The following GOPC variants were observed in gnomAD, a reference collection of about 807,000 sequenced individuals.
The protein encoded by GOPC is Golgi-associated PDZ and coiled-coil motif-containing protein.
In GOPC, 32 loss-of-function variants were observed where a neutral mutation model predicts 51.2. That is an observed-to-expected ratio of 0.63 (90% CI 0.47 to 0.84). GOPC has a LOEUF of 0.84. Ranked by LOEUF, GOPC falls within the 40% of genes least tolerant of loss-of-function variation. The pLI is 0.00. For synonymous variants in GOPC, 190 were observed against 205.1 expected (o/e 0.93, Z 0.63); for missense variants, 441 against 555.5 (o/e 0.79, Z 2.07).
chr6:117,597,593 C>T (rs1262317331), intron 1 of GOPC, among the ~76,000 whole-genome samples: 2 of 152,096 alleles, frequency 1.3e-5, no homozygotes, highest in Non-Finnish European at 2.9e-5. Flanking sequence ...GAGATGTGAG[C>T]AATTTGAAAT....
At chr6:117,572,274 T>G (rs1480386198) in intron 5 of GOPC, among the ~76,000 whole-genome samples, 1 of 152,158 alleles carries the variant, frequency 6.6e-6, no homozygotes, top group African/African-American at 2.4e-5. Flanking sequence ...ACTCTTCTTT[T>G]TCACTATTTA....
intron 6 of GOPC, 49 bp from the exon 7 acceptor site, chr6:117,569,785 G>T: frequency 6.7e-7 from 1 of 1,490,740 alleles, no homozygotes; most frequent in Non-Finnish European, 8.9e-7. Context: ...GTAAGGTACA[G>T]TTACCGATTA....
At chr6:117,585,489 A>G (rs1405141655) in intron 1 of GOPC, among the ~76,000 whole-genome samples, 1 of 152,210 alleles carries the variant, frequency 6.6e-6, no homozygotes, top group Non-Finnish European at 1.5e-5. Flanking sequence ...ATAAAGTTTT[A>G]GAAGGTCCAA....
intron 4 of GOPC, among the ~76,000 whole-genome samples, chr6:117,574,268 A>G (rs569711830): frequency 6.6e-6 from 1 of 152,238 alleles, no homozygotes; most frequent in South Asian, 2.1e-4. Context: ...TTAAAAAAAA[A>G]AAAAAGTTAC....
Position 117,578,957 on chromosome 6 carries a change from C to A in GOPC, c.393G>T (p.Leu131=). Residue 131 remains leucine, a synonymous_variant, in exon 2 of 9, where the codon CTG becomes CTT. Transcript: ENST00000368498. The part of the protein sequence containing the change: ...DQLLQLHSIQ[L]QLHAKTGQSA... ...TTTGACCAGTTTTAGCATGAAGCTG[C>A]AGCTGAATAGAGTGCAGCTGTAAAA... is the stretch of plus-strand genomic sequence containing the variant. 2 of 1,611,124 alleles carry A rather than the reference C, an allele frequency of 1.2e-6. No homozygotes were observed. Among genetic ancestry groups the A allele is most frequent in the Non-Finnish European group, 8.5e-7 (1 of 1,178,848 alleles).
In GOPC at chr6:117,598,233, G is replaced by A. The variant is rs1780231344; in HGVS notation, c.285+3771C>T. Among the ~76,000 whole-genome samples the A allele has an allele frequency of 3.3e-5, 5 of 151,396 alleles. No individual in the cohort carries two copies. The South Asian group carries it at 1.0e-3, about 32-fold the overall frequency. Reference sequence around the variant, plus strand: ...AAAATAAAATAGAAAAATTAGCTGAGTATAGTAGCTCATGCCTGTAGTCCA... The same window carrying A: ...AAAATAAAATAGAAAAATTAGCTGAATATAGTAGCTCATGCCTGTAGTCCA... On this transcript the variant is annotated intron_variant, in intron 1 of 8. Coordinates refer to ENST00000368498, the MANE Select transcript of GOPC (RefSeq NM_020399.4).
At chr6:117,570,977 G>C (rs759479243) in intron 5 of GOPC, 22 bp from the exon 6 acceptor site, 15 of 1,252,418 alleles carry the variant, frequency 1.2e-5, no homozygotes, top group Middle Eastern at 2.1e-4. Flanking sequence ...GAAAAAAGAA[G>C]AAAAAGTAGT....
chr6:117,570,196 T>C (rs1779781019), intron 6 of GOPC, among the ~76,000 whole-genome samples: 1 of 151,958 alleles, frequency 6.6e-6, no homozygotes, highest in African/African-American at 2.4e-5. Context: ...TGTGTCTTAT[T>C]TGTCCTGCTA....
At position 117,587,023 on chromosome 6, in the gene GOPC, A is replaced by T. The variant is rs1442948976; in HGVS notation, c.286-7959T>A. ...CTAATGAGTCTTACTCTAAAACACA[A>T]GACTATGACCAAACAGAAAATATAT... On this transcript the variant is annotated intron_variant, in intron 1 of 8. Coordinates refer to ENST00000368498, the MANE Select transcript of GOPC (RefSeq NM_020399.4). 2.0e-5 allele frequency among the ~76,000 whole-genome samples: 3 copies of T among 152,236 alleles called. No homozygotes were observed. The East Asian group carries it at 5.8e-4, about 29-fold the overall frequency.
chr6:117,566,013 G>A (rs1202754705), intron 8 of GOPC, among the ~76,000 whole-genome samples: 1 of 152,086 alleles, frequency 6.6e-6, no homozygotes, highest in East Asian at 1.9e-4. Context: ...AAAATTAACT[G>A]TTACTGCCAT....
intron 2 of GOPC, among the ~76,000 whole-genome samples, chr6:117,578,568 T>G (rs1480186577): frequency 6.6e-6 from 1 of 152,046 alleles, no homozygotes; most frequent in Non-Finnish European, 1.5e-5. Context: ...CAATGTTACT[T>G]GGGATTTCTG....
intron 5 of GOPC, 26 bp downstream of exon 5, chr6:117,573,441 G>A (rs1016449430): frequency 1.9e-6 from 3 of 1,600,006 alleles, no homozygotes; most frequent in Non-Finnish European, 2.6e-6. Context: ...GAGGCTGGGT[G>A]GGAAGCAGCA....
chr6:117,601,038 C>T (rs551532573), intron 1 of GOPC, among the ~76,000 whole-genome samples: 40 of 152,092 alleles, frequency 2.6e-4, no homozygotes, highest in Non-Finnish European at 5.0e-4. Flanking sequence ...TCAATGACAA[C>T]GAGTAATGAT....
chr6:117,564,048 G>A (rs1779644000), intron 8 of GOPC, among the ~76,000 whole-genome samples: 2 of 151,162 alleles, frequency 1.3e-5, no homozygotes, highest in South Asian at 4.2e-4. Flanking sequence ...CATGATTACG[G>A]CTCACTGCTG....
At chr6:117,581,464 GA>G (rs35581241) in intron 1 of GOPC, among the ~76,000 whole-genome samples, 18,860 of 145,878 alleles carry the variant, frequency 0.13, 2,244 homozygotes, top group African/African-American at 0.32. Flanking sequence ...CTCAGATCTT[GA>G]AAAAAAAAAA....
In GOPC at chr6:117,602,437, C is replaced by T. The variant is rs1772035470; in HGVS notation, c.-149G>A. On this transcript the variant is annotated 5_prime_UTR_variant, in exon 1 of 9. Transcript: ENST00000368498. ...GCGCCGTTAACGCCAGCAGCACAGT[C>T]ACAGAACCGCAGGAGTAACGAGGCT... 1 of 703,366 alleles carries T rather than the reference C, an allele frequency of 1.4e-6. No individual in the cohort carries two copies. Among genetic ancestry groups the T allele is most frequent in the African/African-American group, 1.8e-5 (1 of 55,566 alleles). The allele number at this position is 703,366 out of a possible 1,614,324, so 43.6% of individuals were successfully genotyped here.
In GOPC at chr6:117,569,704, G is replaced by T. The variant is rs1180763058; in HGVS notation, c.945C>A (p.Ile315=). Residue 315 remains isoleucine, a synonymous_variant, in exon 7 of 9, where the codon ATC becomes ATA. Transcript: ENST00000368498. ...GGKEHGVPIL[I]SEIHPGQPAD... is the part of the protein sequence containing the mutation. ...CAGGTTGCCCCGGATGGATCTCAGA[G>T]ATGAGGATTGGAACACCATGTTCTT... is the stretch of plus-strand genomic sequence containing the variant. 5.0e-6 allele frequency: 8 copies of T among 1,606,096 alleles called. No homozygotes were observed. The Admixed American group carries it at 1.4e-4, about 28-fold the overall frequency.
At position 117,560,419 on chromosome 6, in the gene GOPC, C is replaced by A. The variant is rs1361027208; in HGVS notation, c.*2835G>T. The stretch of plus-strand genomic sequence containing the variant: ...ATCATAAATGCAATAGATTTGAGGC[C>A]AACCATAAGTGTAAGACTGGATAGA... On this transcript the variant is annotated 3_prime_UTR_variant, in exon 9 of 9. Transcript: ENST00000368498. The A allele has an allele frequency of 5.3e-6, 1 of 188,344 alleles. No individual in the cohort carries two copies. The allele number at this position is 188,344 out of a possible 1,614,324, so 11.7% of individuals were successfully genotyped here. A position where few individuals can be genotyped will look rare whatever the true frequency, so the allele number is the denominator to read the frequency against.
At position 117,563,149 on chromosome 6, in the gene GOPC, G is replaced by A; in HGVS notation, c.*105C>T. 2 of 1,033,760 alleles carry A rather than the reference G, an allele frequency of 1.9e-6. No individual in the cohort carries two copies. The highest frequency in any genetic ancestry group is 2.9e-6 in the Non-Finnish European group (2 of 691,940). The allele number at this position is 1,033,760 out of a possible 1,614,324, so 64.0% of individuals were successfully genotyped here. On this transcript the variant is annotated 3_prime_UTR_variant, in exon 9 of 9. Transcript: ENST00000368498. ...CCTGAGGTACCCGCCTTTCATTTAG[G>A]CAACAAACAGCCTCCCCTGATTTTG...
Sources: allele counts gnomAD v4.1 joint callset (sites outside exome capture counted in the v4.1 genomes callset), GRCh38; gene constraint gnomAD v4.1.1; transcripts MANE v1.5; gene names NCBI Gene and HGNC (gene_info 2026-07-23, HGNC 2026-07-21).